PDZD2: variants seen among roughly 807,000 people sequenced by gnomAD.
The protein encoded by PDZD2 is PDZ domain-containing protein 2.
In PDZD2, 90 loss-of-function variants were observed where a neutral mutation model predicts 220.7. The ratio of observed to expected loss-of-function variants is 0.41; its 90% confidence interval spans 0.34 to 0.49. The LOEUF (loss-of-function observed/expected upper bound fraction) is 0.49. Ranked by LOEUF, PDZD2 falls within the 20% of genes least tolerant of loss-of-function variation. The pLI is 0.28. For synonymous variants in PDZD2, 1,375 were observed against 1,450.5 expected, an observed-to-expected ratio of 0.95 and a Z score of 1.18; for missense variants, 3,174 against 3,608.5, an observed-to-expected ratio of 0.88 and a Z score of 3.08.
intron 2 of PDZD2, among the ~76,000 whole-genome samples, chr5:31,957,240 T>C (rs1747792084): frequency 6.6e-6 from 1 of 152,180 alleles, no homozygotes; most frequent in Non-Finnish European, 1.5e-5. Context: ...GCAGTGTGTT[T>C]AGTGAGGAGA....
At chr5:31,709,572 AG>A (rs1008222385) in intron 1 of PDZD2, among the ~76,000 whole-genome samples, 42 of 152,206 alleles carry the variant, frequency 2.8e-4, no homozygotes, top group African/African-American at 9.9e-4. Context: ...CTTAAATGAT[AG>A]GGAAATGTGG....
Position 31,811,711 on chromosome 5 carries a change from C to T in PDZD2, c.476+11987C>T, listed in dbSNP as rs372312194. 2.0e-4 allele frequency among the ~76,000 whole-genome samples: 30 copies of T among 152,184 alleles called. No homozygotes were observed. In the East Asian group the frequency reaches 2.9e-3, roughly 15 times the overall value. ...TAGCCTTAAATTTTCAAGCTCTAGC[C>T]AGGCAGGGTGGCTCATGCCTGTAAT... On this transcript the variant is annotated intron_variant, in intron 2 of 24. Transcript: ENST00000438447.
chr5:31,784,894 G>A (rs1400738558), intron 1 of PDZD2, among the ~76,000 whole-genome samples: 4 of 151,758 alleles, frequency 2.6e-5, no homozygotes, highest in Admixed American at 6.6e-5. Context: ...GCGACACAGC[G>A]AGATGCCGTC....
intron 1 of PDZD2, among the ~76,000 whole-genome samples, chr5:31,679,176 T>C (rs1746559703): frequency 6.6e-6 from 1 of 152,236 alleles, no homozygotes; most frequent in Non-Finnish European, 1.5e-5. Flanking sequence ...ATCTTCATAG[T>C]AAGATGAATT....
chr5:31,966,283 CT>C (rs1230310873), intron 2 of PDZD2, among the ~76,000 whole-genome samples: 3 of 152,146 alleles, frequency 2.0e-5, no homozygotes, highest in African/African-American at 7.2e-5. Context: ...ACTATAGGTA[CT>C]GTAGTTAATA....
chr5:31,701,189 T>A (rs1487081860), intron 1 of PDZD2, among the ~76,000 whole-genome samples: 1 of 138,676 alleles, frequency 7.2e-6, no homozygotes, highest in East Asian at 2.2e-4. Flanking sequence ...GGGGCAGGCC[T>A]GGAAAATATA....
chr5:31,699,710 T>C (rs1747532115), intron 1 of PDZD2, among the ~76,000 whole-genome samples: 1 of 152,008 alleles, frequency 6.6e-6, no homozygotes, highest in Admixed American at 6.6e-5. Flanking sequence ...TTCAAGCAGT[T>C]CTCATGCCTC....
At chr5:32,004,780 A>G (rs537991187) in intron 5 of PDZD2, among the ~76,000 whole-genome samples, 123 of 152,204 alleles carry the variant, frequency 8.1e-4, no homozygotes, top group Admixed American at 1.8e-3. Flanking sequence ...AGAAAAAGAT[A>G]ATGTGTTCCT....
At chr5:31,852,417 C>T (rs2150300241) in intron 2 of PDZD2, among the ~76,000 whole-genome samples, 1 of 151,164 alleles carries the variant, frequency 6.6e-6, no homozygotes, top group South Asian at 2.1e-4. Flanking sequence ...AGTAGAGTAG[C>T]TGGGACCACA....
chr5:32,072,223 G>A lies in PDZD2; in HGVS notation c.2631G>A (p.Leu877=). The A allele has an allele frequency of 6.2e-7, 1 of 1,613,814 alleles. No homozygotes were observed. The highest frequency in any genetic ancestry group is 8.5e-7 in the Non-Finnish European group (1 of 1,179,682). ...QYFAHDVPGP[L]SDFMVAGSED... is the part of the protein sequence containing the mutation. ...TTGCCCACGATGTCCCTGGCCCCTT[G>A]TCAGACTTCATGGTGGCCGGTTCTG... Residue 877 remains leucine, a synonymous_variant, in exon 17 of 25, where the codon TTG becomes TTA. Transcript: ENST00000438447.
chr5:31,647,328 G>A (rs928382068), intron 1 of PDZD2, among the ~76,000 whole-genome samples: 2 of 152,182 alleles, frequency 1.3e-5, no homozygotes, highest in Non-Finnish European at 2.9e-5. Context: ...GGTACATACT[G>A]TTATTACCCC....
At chr5:31,909,812 G>A (rs1032865965) in intron 2 of PDZD2, among the ~76,000 whole-genome samples, 3 of 152,060 alleles carry the variant, frequency 2.0e-5, no homozygotes, top group African/African-American at 7.2e-5. Flanking sequence ...CAAATTTTGA[G>A]TCAGCTGAGT....
chr5:31,786,422 A>G (rs1180809970), intron 1 of PDZD2, among the ~76,000 whole-genome samples: 1 of 152,206 alleles, frequency 6.6e-6, no homozygotes, highest in Non-Finnish European at 1.5e-5. Flanking sequence ...TTGCTGTTCC[A>G]AAGAGCTTTT....
rs1178755096 is a variant in PDZD2, at chr5:32,079,259, AAAAAAAAAAC to A, written c.3682+1663_3682+1672del. Among the ~76,000 whole-genome samples, 339 of 79,220 alleles carry A rather than the reference AAAAAAAAAAC, an allele frequency of 4.3e-3. 4 individuals carry two copies. The highest frequency in any genetic ancestry group is 0.026 in the East Asian group (40 of 1,548). 52.0% of individuals were successfully genotyped at this position (79,220 alleles called of 152,430 possible). Reference sequence around the variant, plus strand: ...GGGGGACAGAGTGAGACTCTGTCTCAAAAAAAAAACAAAAAAAAAACAAAAAAAAAAAAGG... The same window carrying A: ...GGGGGACAGAGTGAGACTCTGTCTCAAAAAAAAAAACAAAAAAAAAAAAGG... On this transcript the variant is annotated intron_variant, in intron 19 of 24. Transcript: ENST00000438447.
intron 3 of PDZD2, among the ~76,000 whole-genome samples, chr5:31,986,355 T>G (rs1750721423): frequency 6.6e-6 from 1 of 152,210 alleles, no homozygotes; most frequent in African/African-American, 2.4e-5. Flanking sequence ...ACTTTTTGTC[T>G]TGGTAAATCA....
At position 32,058,016 on chromosome 5, in the gene PDZD2, G is replaced by A. The variant is rs746471243; in HGVS notation, c.2113G>A (p.Gly705Ser). The A allele has an allele frequency of 5.0e-6, 8 of 1,613,230 alleles. No homozygotes were observed. The highest frequency in any genetic ancestry group is 6.8e-6 in the Non-Finnish European group (8 of 1,179,234). Residue 705 changes from glycine (G) to serine (S), a missense_variant, in exon 12 of 25, where the codon GGT (glycine) becomes AGT (serine). By Grantham distance (56) the Gly-to-Ser change is moderately conservative. Around this residue, in one of 4 missense-constraint regions of PDZD2, gnomAD observed 1,861 missense variants for 2,001.0 expected, o/e 0.93. Coordinates refer to ENST00000438447, the MANE Select transcript of PDZD2 (RefSeq NM_178140.4). ...FNTSGGASAG[G>S]SDEGSSSSLG... ...TACCAGTGGGGGAGCCTCAGCGGGA[G>A]GTTCCGATGAAGGCAGTTCTTCATC...
chr5:31,843,263 T>G (rs1275458653), intron 2 of PDZD2: 1 of 151,616 alleles, frequency 6.6e-6, no homozygotes, highest in South Asian at 2.1e-4. Context: ...AACAACAACT[T>G]TTTCTTTCTT....
intron 2 of PDZD2, among the ~76,000 whole-genome samples, chr5:31,949,891 C>T (rs866841737): frequency 1.1e-4 from 17 of 151,314 alleles, no homozygotes; most frequent in Admixed American, 5.9e-4. Context: ...ACCATGTTGG[C>T]CAGGCTGGTC....
intron 2 of PDZD2, among the ~76,000 whole-genome samples, chr5:31,928,817 T>G (rs928324500): frequency 6.6e-6 from 1 of 152,120 alleles, no homozygotes; most frequent in African/African-American, 2.4e-5. Flanking sequence ...CAGGAAAACT[T>G]TATCAAGGAT....
Sources: allele counts gnomAD v4.1 joint callset (sites outside exome capture counted in the v4.1 genomes callset), GRCh38; gene constraint gnomAD v4.1.1; regional missense constraint gnomAD v4.1.1; transcripts MANE v1.5; gene names NCBI Gene and HGNC (gene_info 2026-07-23, HGNC 2026-07-21).